Variants in XIRP2 observed in about 807,000 individuals in gnomAD.
XIRP2 encodes the protein xin actin-binding repeat-containing protein 2.
XIRP2 carries 236 observed loss-of-function variants against 277.0 expected under a neutral mutation model. The ratio of observed to expected loss-of-function variants is 0.85; its 90% CI spans 0.77 to 0.95. XIRP2 has a LOEUF of 0.95. Ranked by LOEUF, XIRP2 falls within the 40% of genes least tolerant of loss-of-function variation. The probability of loss-of-function intolerance (pLI) is 0.00; values close to 1 mark genes in which losing one functional copy is unlikely to be tolerated. For synonymous variants in XIRP2, 1,490 were observed against 1,416.5 expected, an observed-to-expected ratio of 1.05 and a Z score of -1.17; for missense variants, 4,640 against 4,157.5, an observed-to-expected ratio of 1.12 and a Z score of -3.19.
rs548307923 is a variant in XIRP2 at position 166,894,770 on chromosome 2, T to A, written c.-19+6213T>A. ...AAAACTGGGATGCACCTTGCCAACA[T>A]AGAATTTTCAAGTTAGGGAACAGAC... On this transcript the variant is annotated intron_variant, in intron 1 of 10. Transcript: ENST00000409195. Among the ~76,000 whole-genome samples, 7 of 152,262 alleles carry A rather than the reference T, an allele frequency of 4.6e-5. No homozygotes were observed. The South Asian group carries it at 1.4e-3, about 31-fold the overall frequency.
intron 2 of XIRP2, among the ~76,000 whole-genome samples, chr2:166,962,655 T>G (rs970193810): frequency 1.3e-5 from 2 of 151,768 alleles, no homozygotes; most frequent in African/African-American, 2.4e-5. Flanking sequence ...AAATAATGCC[T>G]TGTTGAAGTT....
At chr2:167,019,343 C>T (rs943502086) in intron 2 of XIRP2, among the ~76,000 whole-genome samples, 4 of 151,984 alleles carry the variant, frequency 2.6e-5, no homozygotes, top group African/African-American at 7.2e-5. Context: ...GAATAGCGAC[C>T]CCAATAATAA....
In XIRP2 at chr2:167,259,563, T is replaced by C. The variant is rs1386771317; in HGVS notation, c.*1746T>C. 3.8e-6 allele frequency: 2 copies of C among 524,172 alleles called. No homozygotes were observed. Among genetic ancestry groups the C allele is most frequent in the African/African-American group, 2.0e-5 (1 of 50,692 alleles). 32.5% of individuals were successfully genotyped at this position (524,172 alleles called of 1,614,324 possible). On this transcript the variant is annotated 3_prime_UTR_variant, in exon 11 of 11. Coordinates refer to ENST00000409195, the MANE Select transcript of XIRP2 (RefSeq NM_152381.6). ...ACAATTTATTTACATCTACTTTTGTTTGAACTGGAATGAAGAGATGAAACA... is the reference window on the plus strand; with the variant it reads ...ACAATTTATTTACATCTACTTTTGTCTGAACTGGAATGAAGAGATGAAACA...
chr2:167,251,852 G>A lies in XIRP2; in HGVS notation c.10460G>A (p.Ser3487Asn), dbSNP rs1302055128. 4.3e-6 allele frequency: 7 copies of A among 1,612,562 alleles called. No individual in the cohort carries two copies. The highest frequency in any genetic ancestry group is 2.2e-5 in the East Asian group (1 of 44,830). Residue 3487 changes from serine to asparagine, a missense_variant, in exon 9 of 11, where the codon AGT becomes AAT. By Grantham distance (46) the Ser-to-Asn change is conservative (BLOSUM62 1). Transcript: ENST00000409195. ...RKNFQKTWQE[S>N]GRVFKGLGYA... ...AATTTTCAAAAGACGTGGCAAGAGA[G>A]TGGAAGAGTTTTTAAAGGCCTGGGA...
chr2:166,892,508 G>C (rs1441829367), intron 1 of XIRP2, among the ~76,000 whole-genome samples: 17 of 152,096 alleles, frequency 1.1e-4, no homozygotes, highest in Admixed American at 1.1e-3. Flanking sequence ...AGCCTGCTGT[G>C]TTTTCAGAAT....
chr2:167,070,060 C>T (rs1260833348), intron 2 of XIRP2, among the ~76,000 whole-genome samples: 1 of 151,984 alleles, frequency 6.6e-6, no homozygotes, highest in African/African-American at 2.4e-5. Context: ...CCTCAGTGAC[C>T]CAGTCCCAAC....
chr2:167,097,921 T>C (rs1025058342), intron 2 of XIRP2, among the ~76,000 whole-genome samples: 1 of 152,246 alleles, frequency 6.6e-6, no homozygotes, highest in African/African-American at 2.4e-5. Flanking sequence ...AGATCTGCAG[T>C]TAGCCTGATG....
intron 2 of XIRP2, among the ~76,000 whole-genome samples, chr2:166,955,815 CTT>C (rs372631197): frequency 2.8e-5 from 4 of 144,644 alleles, no homozygotes; most frequent in African/African-American, 2.5e-5. Context: ...GTTTAGTTTG[CTT>C]TTTTTTTTTC....
chr2:167,172,370 G>A lies in XIRP2; in HGVS notation c.562+36308G>A, dbSNP rs560535224. Among the ~76,000 whole-genome samples, 17 of 152,196 alleles carry A rather than the reference G, an allele frequency of 1.1e-4. No individual in the cohort carries two copies. The East Asian group carries it at 1.7e-3, about 16-fold the overall frequency. ...AAATTAAAATTGCTAATGAAGTTTC[G>A]GGCACGCATTGTCATTGATAACCTC... is the stretch of plus-strand genomic sequence containing the variant. On this transcript the variant is annotated intron_variant, in intron 3 of 10. Coordinates refer to ENST00000409195, the MANE Select transcript of XIRP2 (RefSeq NM_152381.6).
chr2:167,183,943 T>G (rs1693088274), intron 3 of XIRP2, among the ~76,000 whole-genome samples: 1 of 152,198 alleles, frequency 6.6e-6, no homozygotes, highest in African/African-American at 2.4e-5. Context: ...TTTATTTATT[T>G]TTTTGAGAAT....
At chr2:167,012,151 T>G (rs560688841) in intron 2 of XIRP2, among the ~76,000 whole-genome samples, 3 of 152,046 alleles carry the variant, frequency 2.0e-5, no homozygotes, top group African/African-American at 7.2e-5. Context: ...AATTGTGATG[T>G]TAGGGTGTCA....
chr2:167,087,961 C>T (rs1690014521), intron 2 of XIRP2, among the ~76,000 whole-genome samples: 1 of 152,084 alleles, frequency 6.6e-6, no homozygotes, highest in Non-Finnish European at 1.5e-5. Context: ...CATCTTGGCT[C>T]CTCCCCACCA....
intron 3 of XIRP2, among the ~76,000 whole-genome samples, chr2:167,160,401 G>T (rs765760883): frequency 6.6e-6 from 1 of 152,094 alleles, no homozygotes; most frequent in Non-Finnish European, 1.5e-5. Context: ...CAGTTTATTA[G>T]TCTGCTTTCG....
At chr2:166,907,069 T>C (rs909243716) in intron 2 of XIRP2, among the ~76,000 whole-genome samples, 3 of 152,166 alleles carry the variant, frequency 2.0e-5, no homozygotes, top group African/African-American at 7.2e-5. Flanking sequence ...CTTAAAATAA[T>C]TTTTTCATTT....
At chr2:167,193,805 G>C (rs745820504) in intron 3 of XIRP2, among the ~76,000 whole-genome samples, 1 of 150,280 alleles carries the variant, frequency 6.7e-6, no homozygotes, top group Non-Finnish European at 1.5e-5. Flanking sequence ...TTGAACTGGG[G>C]AGGTGGAGGT....
At chr2:167,039,191 C>T (rs1030013281) in intron 2 of XIRP2, among the ~76,000 whole-genome samples, 1 of 151,922 alleles carries the variant, frequency 6.6e-6, no homozygotes, top group Non-Finnish European at 1.5e-5. Flanking sequence ...TAAAGAACCA[C>T]AATGAGTTTA....
In XIRP2 at chr2:167,081,813, G is replaced by A. The variant is rs573347977; in HGVS notation, c.409-54096G>A. 7.9e-5 allele frequency among the ~76,000 whole-genome samples: 12 copies of A among 152,180 alleles called. No homozygotes were observed. In the South Asian group the frequency reaches 1.5e-3, roughly 18 times the overall value. On this transcript the variant is annotated intron_variant, in intron 2 of 10. Transcript: ENST00000409195. ...TTTGAATTTCTTAAAAATATTCAAG[G>A]GATATCTTAGCATGTCAGAGAGCTC...
chr2:167,093,290 T>A (rs1381617029), intron 2 of XIRP2, among the ~76,000 whole-genome samples: 1 of 149,650 alleles, frequency 6.7e-6, no homozygotes, highest in Non-Finnish European at 1.5e-5. Context: ...ATATATATAT[T>A]TTTACAGATG....
chr2:166,986,611 A>C (rs1687012971), intron 2 of XIRP2, among the ~76,000 whole-genome samples: 1 of 152,240 alleles, frequency 6.6e-6, no homozygotes, highest in Admixed American at 6.5e-5. Context: ...AATATTTCTT[A>C]AATATCAGGG....
Sources: gnomAD v4.1 joint callset for allele counts (sites outside exome capture counted in the v4.1 genomes callset) on GRCh38, gnomAD v4.1.1 for gene constraint, MANE v1.5 for transcripts, NCBI Gene and HGNC (gene_info 2026-07-23, HGNC 2026-07-21) for gene names.